Variants in TASOR2 observed in about 807,000 individuals in gnomAD.
TASOR2 encodes the protein transcription activation suppressor family member 2, also known as protein TASOR 2.
Under a neutral mutation model 199.5 loss-of-function variants are expected in TASOR2, and 84 were observed. The observed-to-expected ratio is 0.42, with a 90% confidence interval of 0.35 to 0.50. TASOR2 has a LOEUF of 0.50. Ranked by LOEUF, TASOR2 falls within the 20% of genes least tolerant of loss-of-function variation. The pLI is 0.02. For missense variants in TASOR2, 2,796 were observed against 2,835.9 expected, an observed-to-expected ratio of 0.99 and a Z score of 0.32; for synonymous variants, 1,103 against 1,046.6, an observed-to-expected ratio of 1.05 and a Z score of -1.04.
chr10:5,700,403 G>GTAA (rs1487935335), intron 1 of TASOR2, among the ~76,000 whole-genome samples: 2 of 152,186 alleles, frequency 1.3e-5, no homozygotes, highest in East Asian at 3.9e-4. Context: ...CGGGAGTGCA[G>GTAA]ATGTCTTTTT....
rs1836183825 is a variant in TASOR2 at position 5,740,086 on chromosome 10, T to C, written c.1916T>C (p.Leu639Pro). Residue 639 changes from leucine (L) to proline (P), a missense_variant, in exon 13 of 21, where the codon CTA (leucine) becomes CCA (proline). This residue lies in a region of TASOR2 where 847 missense variants were observed against 887.4 expected (regional missense o/e 0.95). Coordinates refer to ENST00000328090, the Ensembl canonical transcript of TASOR2. The surrounding 1 kb of genome is among the most constrained non-coding windows in gnomAD (Gnocchi z 5.3). ...CAGTCAGCACTTACTGAGGAAATGC[T>C]AGAATCTTCAGATGCAAGCCAAAGC... 1 of 1,613,980 alleles carries C rather than the reference T, an allele frequency of 6.2e-7. No individual in the cohort carries two copies. Among genetic ancestry groups the C allele is most frequent in the Non-Finnish European group, 8.5e-7 (1 of 1,180,032 alleles).
chr10:5,715,377 C>T (rs1446421592), intron 2 of TASOR2, among the ~76,000 whole-genome samples: 1 of 152,124 alleles, frequency 6.6e-6, no homozygotes, highest in Non-Finnish European at 1.5e-5. Context: ...TGGCCATTAG[C>T]AGTGACTCCC....
At chr10:5,741,322 C>G (rs75649940) in intron 13 of TASOR2, among the ~76,000 whole-genome samples, 1 of 152,194 alleles carries the variant, frequency 6.6e-6, no homozygotes, top group African/African-American at 2.4e-5. Context: ...TCACTGTTAG[C>G]AAGCATTCAT....
intron 18 of TASOR2, among the ~76,000 whole-genome samples, chr10:5,760,102 A>G (rs59007376): frequency 0.17 from 26,318 of 152,224 alleles, 2,569 homozygotes; most frequent in Admixed American, 0.23. Flanking sequence ...GTGCAGACAT[A>G]GAGTGTACTT....
chr10:5,690,109 A>G lies in TASOR2; in HGVS notation c.-288+4934A>G, dbSNP rs1836260447. Among the ~76,000 whole-genome samples the G allele has an allele frequency of 6.6e-6, 1 of 152,116 alleles. No homozygotes were observed. The highest frequency in any genetic ancestry group is 2.4e-5 in the African/African-American group (1 of 41,436). On this transcript the variant is annotated intron_variant, in intron 1 of 20. Transcript: ENST00000328090. This position sits in a 1 kb window ranked among gnomAD's most constrained non-coding sequence, Gnocchi z 4.8. ...TGTGGTTGTATCGTCTTTGCTTTCAATATTTAATTTTTTCCTTTTTACTTA... is the reference window on the plus strand; with the variant it reads ...TGTGGTTGTATCGTCTTTGCTTTCAGTATTTAATTTTTTCCTTTTTACTTA...
Position 5,740,129 on chromosome 10 carries a change from AC to A in TASOR2, c.1960del (p.His654IlefsTer21). 6.2e-7 allele frequency: 1 copy of A among 1,614,150 alleles called. No homozygotes were observed. The highest frequency in any genetic ancestry group is 8.5e-7 in the Non-Finnish European group (1 of 1,180,024). On this transcript the variant is annotated frameshift_variant, in exon 13 of 21. Transcript: ENST00000328090. LOFTEE classifies it high-confidence loss of function. The surrounding 1 kb of genome is among the most constrained non-coding windows in gnomAD (Gnocchi z 5.3). ...GCCAAAGCTCTTCTGTTTCTGTGGA[AC>A]ATTCATATGCCCTGCTCCTTACAGA...
Position 5,749,180 on chromosome 10 carries a change from G to A in TASOR2, c.5759G>A (p.Gly1920Glu). 3 of 1,613,972 alleles carry A rather than the reference G, an allele frequency of 1.9e-6. No homozygotes were observed. The highest frequency in any genetic ancestry group is 1.7e-6 in the Non-Finnish European group (2 of 1,179,982). ...TACGTCCAAATCCGAGATCTCCACGGGATCCTCAGGACTTACGCCAACTTC... is the reference window on the plus strand; with the variant it reads ...TACGTCCAAATCCGAGATCTCCACGAGATCCTCAGGACTTACGCCAACTTC... Residue 1920 changes from glycine to glutamate, a missense_variant, in exon 15 of 21, where the codon GGG (glycine) becomes GAG (glutamate). Around this residue, in one of 3 missense-constraint regions of TASOR2, gnomAD observed 1,941 missense variants for 1,924.9 expected, o/e 1.01. Transcript: ENST00000328090.
chr10:5,729,186 T>C (rs557387782), intron 10 of TASOR2, among the ~76,000 whole-genome samples: 1 of 151,756 alleles, frequency 6.6e-6, no homozygotes, highest in Non-Finnish European at 1.5e-5. Context: ...CCATCTCTAC[T>C]AAAAATACAA....
At position 5,701,975 on chromosome 10, in the gene TASOR2, C is replaced by T. The variant is rs1837918057; in HGVS notation, c.-287-10848C>T. On this transcript the variant is annotated intron_variant, in intron 1 of 20. Coordinates refer to ENST00000328090, the Ensembl canonical transcript of TASOR2. This position sits in a 1 kb window ranked among gnomAD's most constrained non-coding sequence, Gnocchi z 4.9. ...TCTTTCTCTTGCCTAATTGCTCTGCCCAGTACTTCCAGTACTATATTGAAT... is the reference window on the plus strand; with the variant it reads ...TCTTTCTCTTGCCTAATTGCTCTGCTCAGTACTTCCAGTACTATATTGAAT... Among the ~76,000 whole-genome samples the T allele has an allele frequency of 6.6e-6, 1 of 152,138 alleles. No individual in the cohort carries two copies. Among genetic ancestry groups the T allele is most frequent in the Non-Finnish European group, 1.5e-5 (1 of 68,022 alleles).
At chr10:5,756,533 T>A (rs1056884952) in intron 15 of TASOR2, 80 bp from the exon 17 acceptor site, 16 of 1,467,720 alleles carry the variant, frequency 1.1e-5, no homozygotes, top group Non-Finnish European at 1.5e-5. Context: ...CTATACTGCT[T>A]TTCATTATTT....
intron 6 of TASOR2, 78 bp from the exon 8 acceptor site, chr10:5,723,599 A>G (rs762489504): frequency 2.8e-5 from 24 of 842,150 alleles, no homozygotes; most frequent in Non-Finnish European, 4.0e-5. Context: ...GTTTACATTT[A>G]TATTAGAAAA....
At position 5,752,569 on chromosome 10, in the gene TASOR2, G is replaced by C. The variant is rs1838219999; in HGVS notation, c.6606+2542G>C. 6.6e-6 allele frequency among the ~76,000 whole-genome samples: 1 copy of C among 152,218 alleles called. No individual in the cohort carries two copies. Among genetic ancestry groups the C allele is most frequent in the Admixed American group, 6.5e-5 (1 of 15,288 alleles). On this transcript the variant is annotated intron_variant, in intron 15 of 20. Coordinates refer to ENST00000328090, the Ensembl canonical transcript of TASOR2. The surrounding 1 kb of genome is among the most constrained non-coding windows in gnomAD (Gnocchi z 4.4). The stretch of plus-strand genomic sequence containing the variant: ...GAATGTCACGTGGCGAGTCCATGGG[G>C]GCTGGATTACTGAGTAACGAGTTAC...
At chr10:5,732,789 C>T (rs1407494684) in intron 11 of TASOR2, among the ~76,000 whole-genome samples, 2 of 152,338 alleles carry the variant, frequency 1.3e-5, no homozygotes, top group Non-Finnish European at 2.9e-5. Flanking sequence ...GCTCCTGCCT[C>T]AGCCTCCCAA....
chr10:5,714,143 G>A, intron 2 of TASOR2: 1 of 1,231,456 alleles, frequency 8.1e-7, no homozygotes, highest in Non-Finnish European at 1.0e-6. Context: ...AGGCAAAATT[G>A]GTATGTCAGT....
chr10:5,736,824 C>T (rs192649251), intron 12 of TASOR2, among the ~76,000 whole-genome samples: 1 of 151,886 alleles, frequency 6.6e-6, no homozygotes, highest in Non-Finnish European at 1.5e-5. Flanking sequence ...TTTTGTTTAA[C>T]GGAGAGACTT....
In TASOR2 at chr10:5,719,057, GT is replaced by G. The variant is rs1286752807; in HGVS notation, c.-100+1309del. 6.6e-6 allele frequency among the ~76,000 whole-genome samples: 1 copy of G among 152,100 alleles called. No homozygotes were observed. The highest frequency in any genetic ancestry group is 6.5e-5 in the Admixed American group (1 of 15,268). ...GATGAGGAGATGGTAGAGATGATTG[GT>G]TACTGATAAGTACTATTTACATTTT... On this transcript the variant is annotated intron_variant, in intron 3 of 20. Transcript: ENST00000328090. This position sits in a 1 kb window ranked among gnomAD's most constrained non-coding sequence, Gnocchi z 4.1.
chr10:5,707,003 C>A (rs200605402), intron 1 of TASOR2, among the ~76,000 whole-genome samples: 10 of 147,280 alleles, frequency 6.8e-5, no homozygotes, highest in African/African-American at 7.5e-5. Flanking sequence ...GACTCCGTCT[C>A]AAAAAAAAAA....
chr10:5,702,958 C>T (rs960272813), intron 1 of TASOR2, among the ~76,000 whole-genome samples: 6 of 152,158 alleles, frequency 3.9e-5, no homozygotes, highest in African/African-American at 1.4e-4. Flanking sequence ...AGAGGAACTA[C>T]ATGTCAGCTA....
intron 14 of TASOR2, among the ~76,000 whole-genome samples, chr10:5,745,202 GCTA>G (rs1837013394): frequency 6.6e-6 from 1 of 152,168 alleles, no homozygotes; most frequent in African/African-American, 2.4e-5. Context: ...AATCCTGCTT[GCTA>G]CTGTTTAAAT....
Sources: allele counts gnomAD v4.1 joint callset (sites outside exome capture counted in the v4.1 genomes callset), GRCh38; gene constraint gnomAD v4.1.1; regional missense constraint gnomAD v4.1.1; non-coding constraint Gnocchi (gnomAD v3.1); transcripts MANE v1.5; gene names NCBI Gene and HGNC (gene_info 2026-07-23, HGNC 2026-07-21).